Variants in CNTN4 observed in about 807,000 individuals in gnomAD.
CNTN4 encodes the protein contactin-4.
CNTN4 carries 77 observed loss-of-function variants against 122.5 expected under a neutral mutation model. That is an observed-to-expected ratio of 0.63 (90% confidence interval 0.52 to 0.76). The LOEUF is 0.76. Ranked by LOEUF, CNTN4 falls within the 30% of genes least tolerant of loss-of-function variation. The probability of loss-of-function intolerance (pLI) is 0.00; values close to 1 mark genes in which losing one functional copy is unlikely to be tolerated. For missense variants in CNTN4, 1,256 were observed against 1,259.1 expected, an observed-to-expected ratio of 1.00 and a Z score of 0.04; for synonymous variants, 512 against 447.0, an observed-to-expected ratio of 1.15 and a Z score of -1.83.
At chr3:3,051,469 C>T (rs1263080404) in intron 23 of CNTN4, among the ~76,000 whole-genome samples, 1 of 152,154 alleles carries the variant, frequency 6.6e-6, no homozygotes, top group Non-Finnish European at 1.5e-5. Flanking sequence ...CAAGTTGAAT[C>T]CTCTGAGCTC....
At chr3:2,280,428 T>C (rs2041674149) in intron 2 of CNTN4, among the ~76,000 whole-genome samples, 1 of 152,230 alleles carries the variant, frequency 6.6e-6, no homozygotes, top group African/African-American at 2.4e-5. Flanking sequence ...TTCTTCCTTT[T>C]GTACTCAAGT....
At chr3:2,918,146 A>G (rs76290704) in intron 12 of CNTN4, among the ~76,000 whole-genome samples, 1 of 152,340 alleles carries the variant, frequency 6.6e-6, no homozygotes, top group African/African-American at 2.4e-5. Flanking sequence ...AGAGCATGAT[A>G]AGCAAGATAT....
chr3:2,590,591 G>A (rs1006943127), intron 4 of CNTN4, among the ~76,000 whole-genome samples: 26 of 152,060 alleles, frequency 1.7e-4, no homozygotes, highest in African/African-American at 6.3e-4. Flanking sequence ...TCTTACATGA[G>A]TTGGTTCCTG....
chr3:2,866,060 G>A (rs2093720676), intron 7 of CNTN4, among the ~76,000 whole-genome samples: 2 of 152,122 alleles, frequency 1.3e-5, no homozygotes, highest in African/African-American at 4.8e-5. Flanking sequence ...GTTTGCCACA[G>A]TGTTAAACTG....
At chr3:3,006,840 A>G (rs1473115345) in intron 14 of CNTN4, among the ~76,000 whole-genome samples, 7 of 152,188 alleles carry the variant, frequency 4.6e-5, no homozygotes, top group African/African-American at 1.4e-4. Flanking sequence ...TGTTATAAGA[A>G]TTAGAATTTT....
rs192165518 is a variant in CNTN4 at position 2,234,729 on chromosome 3, A to G, written c.-144-104449A>G. Reference sequence around the variant, plus strand: ...CAGCGACTCCAAAATAAGCTTGATCATTTTATGAGTGTGATCGTCACAAAG... The same window carrying G: ...CAGCGACTCCAAAATAAGCTTGATCGTTTTATGAGTGTGATCGTCACAAAG... On this transcript the variant is annotated intron_variant, in intron 2 of 24. Coordinates refer to ENST00000418658, the MANE Select transcript of CNTN4 (RefSeq NM_175607.3). 6.0e-4 allele frequency among the ~76,000 whole-genome samples: 91 copies of G among 152,282 alleles called. 1 individual carries two copies. The highest frequency in any genetic ancestry group is 4.4e-3 in the Admixed American group (67 of 15,284).
intron 2 of CNTN4, among the ~76,000 whole-genome samples, chr3:2,191,356 C>A (rs1464659509): frequency 6.6e-6 from 1 of 151,612 alleles, no homozygotes; most frequent in Non-Finnish European, 1.5e-5. Flanking sequence ...CATTACTGAT[C>A]AGTATAGCCC....
intron 2 of CNTN4, among the ~76,000 whole-genome samples, chr3:2,245,163 A>T (rs150642335): frequency 2.0e-5 from 3 of 152,116 alleles, no homozygotes; most frequent in Non-Finnish European, 4.4e-5. Context: ...CACTCCTCCT[A>T]TGTATTTAAT....
chr3:3,040,692 C>G lies in CNTN4; in HGVS notation c.2398+421C>G, dbSNP rs1700084923. On this transcript the variant is annotated intron_variant, in intron 20 of 24. Transcript: ENST00000418658. ...CTGTAATCCCAACACTTTTGGGAGG[C>G]CAAGGCGGGTGGATCACCTGAGGTT... is the stretch of plus-strand genomic sequence containing the variant. 2.0e-5 allele frequency among the ~76,000 whole-genome samples: 3 copies of G among 152,234 alleles called. No individual in the cohort carries two copies. In the South Asian group the frequency reaches 6.2e-4, roughly 32 times the overall value.
At chr3:3,016,740 T>G (rs963294463) in intron 14 of CNTN4, among the ~76,000 whole-genome samples, 1 of 152,160 alleles carries the variant, frequency 6.6e-6, no homozygotes, top group Non-Finnish European at 1.5e-5. Flanking sequence ...GTTTCCCAAG[T>G]ACCTATACTT....
chr3:2,857,741 C>A (rs1445833028), intron 7 of CNTN4, among the ~76,000 whole-genome samples: 1 of 152,152 alleles, frequency 6.6e-6, no homozygotes, highest in African/African-American at 2.4e-5. Context: ...TGTGAACCAC[C>A]ATACCCAGCT....
chr3:3,003,330 A>G (rs990226081), intron 14 of CNTN4, among the ~76,000 whole-genome samples: 16 of 152,184 alleles, frequency 1.1e-4, no homozygotes, highest in Non-Finnish European at 1.6e-4. Flanking sequence ...CCACAGTGAA[A>G]TCAACCCAAA....
intron 4 of CNTN4, among the ~76,000 whole-genome samples, chr3:2,619,261 A>G (rs552813825): frequency 3.8e-4 from 58 of 152,240 alleles, no homozygotes; most frequent in Non-Finnish European, 7.1e-4. Context: ...TTTCATCAGG[A>G]TCAAATGTAA....
chr3:2,365,547 A>G (rs1267361543), intron 3 of CNTN4, among the ~76,000 whole-genome samples: 2 of 152,216 alleles, frequency 1.3e-5, no homozygotes, highest in Non-Finnish European at 2.9e-5. Flanking sequence ...ATGCAAAGAG[A>G]GAAAAAGTGG....
chr3:2,352,153 G>T (rs755145118), intron 3 of CNTN4, among the ~76,000 whole-genome samples: 1 of 152,242 alleles, frequency 6.6e-6, no homozygotes, highest in South Asian at 2.1e-4. Context: ...CACTTTGGGA[G>T]GCCCAGGTGG....
rs139808213 is a variant in CNTN4 at position 2,487,509 on chromosome 3, G to A, written c.-88-83907G>A. Among the ~76,000 whole-genome samples the A allele has an allele frequency of 7.6e-4, 115 of 152,152 alleles. 1 individual carries two copies. The East Asian group carries it at 0.02, about 27-fold the overall frequency. ...GGGATTTAGAGATAAATACATAATCGTTGCCTTCAAAAAGCCCTAGTCAAT... is the reference window on the plus strand; with the variant it reads ...GGGATTTAGAGATAAATACATAATCATTGCCTTCAAAAAGCCCTAGTCAAT... On this transcript the variant is annotated intron_variant, in intron 3 of 24. Transcript: ENST00000418658.
At chr3:2,407,659 G>C (rs927999970) in intron 3 of CNTN4, among the ~76,000 whole-genome samples, 8 of 152,078 alleles carry the variant, frequency 5.3e-5, no homozygotes, top group African/African-American at 1.9e-4. Flanking sequence ...ATGTTATTTG[G>C]TTGTGAGAAG....
intron 3 of CNTN4, among the ~76,000 whole-genome samples, chr3:2,483,444 G>A (rs767316563): frequency 1.3e-5 from 2 of 152,160 alleles, no homozygotes; most frequent in Non-Finnish European, 2.9e-5. Context: ...GCTGGAATGA[G>A]CTAAGACTAG....
intron 2 of CNTN4, among the ~76,000 whole-genome samples, chr3:2,172,374 G>T (rs2036554948): frequency 6.6e-6 from 1 of 152,086 alleles, no homozygotes; most frequent in Non-Finnish European, 1.5e-5. Flanking sequence ...GCATAAGAAT[G>T]ATTTAATGGA....
Sources: allele counts gnomAD v4.1 joint callset (sites outside exome capture counted in the v4.1 genomes callset), GRCh38; gene constraint gnomAD v4.1.1; transcripts MANE v1.5; gene names NCBI Gene and HGNC (gene_info 2026-07-23, HGNC 2026-07-21).